The following CAMKK1 variants were observed in gnomAD, a reference collection of about 807,000 sequenced individuals.
The protein encoded by CAMKK1 is calcium/calmodulin-dependent protein kinase kinase 1.
Under a neutral mutation model 63.5 loss-of-function variants are expected in CAMKK1, and 20 were observed. That is an observed-to-expected ratio of 0.32 (90% CI 0.22 to 0.46). The LOEUF (loss-of-function observed/expected upper bound fraction) is 0.46. CAMKK1 is among the 20% of genes least tolerant of loss of function. The pLI is 1.00. For synonymous variants in CAMKK1, 253 were observed against 269.0 expected (o/e 0.94, Z 0.58); for missense variants, 588 against 658.1 (o/e 0.89, Z 1.17).
chr17:3,862,680 A>T lies in CAMKK1; in HGVS notation c.1446-397T>A, dbSNP rs2054370682. Among the ~76,000 whole-genome samples, 1 of 152,250 alleles carries T rather than the reference A, an allele frequency of 6.6e-6. No individual in the cohort carries two copies. Among genetic ancestry groups the T allele is most frequent in the Admixed American group, 6.5e-5 (1 of 15,282 alleles). The stretch of plus-strand genomic sequence containing the variant: ...CGTCTCGCTCTGTCGTGCAGGCTGC[A>T]GTGCAGTGGTGCAATCTCAGCTCAT... On this transcript the variant is annotated intron_variant, in intron 15 of 15. Coordinates refer to ENST00000348335, the MANE Select transcript of CAMKK1 (RefSeq NM_032294.3). The surrounding 1 kb of genome is among the most constrained non-coding windows in gnomAD (Gnocchi z 4.1).
rs868735697 is a variant in CAMKK1 at position 3,892,717 on chromosome 17, C to G, written c.-44+222G>C. Among the ~76,000 whole-genome samples, 1 of 152,172 alleles carries G rather than the reference C, an allele frequency of 6.6e-6. No homozygotes were observed. Among genetic ancestry groups the G allele is most frequent in the Non-Finnish European group, 1.5e-5 (1 of 68,014 alleles). ...AGACGGCGGGGCACCCGCGGCGATG[C>G]GGTCCCGGCGGCCGGCGCAGACCCG... On this transcript the variant is annotated intron_variant, in intron 1 of 15. Transcript: ENST00000348335. The surrounding 1 kb of genome is among the most constrained non-coding windows in gnomAD (Gnocchi z 7.5).
intron 15 of CAMKK1, chr17:3,865,038 C>T: frequency 2.4e-6 from 2 of 817,572 alleles, no homozygotes; most frequent in Non-Finnish European, 3.0e-6. Flanking sequence ...CAGCCCCTTC[C>T]CCAAAGCTTC....
rs1010826031 is a variant in CAMKK1 at position 3,881,642 on chromosome 17, T to C, written c.692A>G (p.Asp231Gly). 6.4e-7 allele frequency: 1 copy of C among 1,567,254 alleles called. No homozygotes were observed. The highest frequency in any genetic ancestry group is 8.7e-7 in the Non-Finnish European group (1 of 1,154,302). ...PAEDNLYLVF[D>G]LLRKGPVMEV... ...GGGAACTCACCCCTTTCTCAGGAGG[T>C]CAAACACTGAAAGAAAAGACAAGAA... Residue 231 changes from aspartate to glycine, a missense_variant, in exon 8 of 16, where the codon GAC becomes GGC. Asp to Gly is a moderately conservative substitution (Grantham distance 94). Transcript: ENST00000348335.
At position 3,883,846 on chromosome 17, in the gene CAMKK1, T is replaced by C; in HGVS notation, c.462+38A>G. The C allele has an allele frequency of 6.2e-7, 1 of 1,610,214 alleles. No individual in the cohort carries two copies. The highest frequency in any genetic ancestry group is 1.3e-5 in the African/African-American group (1 of 74,942). On this transcript the variant is annotated intron_variant, in intron 4 of 15. Transcript: ENST00000348335. The surrounding 1 kb of genome is among the most constrained non-coding windows in gnomAD (Gnocchi z 4.7). ...CCCCACCCCTCAGGCTTCCAGGGCC[T>C]GGCTTGGGCAACACCTCCCTCGTAT...
chr17:3,883,178 G>A lies in CAMKK1; in HGVS notation c.515-3C>T, dbSNP rs1390295233. On this transcript the variant is annotated splice_polypyrimidine_tract_variant and splice_region_variant and intron_variant, in intron 5 of 15. Coordinates refer to ENST00000348335, the MANE Select transcript of CAMKK1 (RefSeq NM_032294.3). The surrounding 1 kb of genome is among the most constrained non-coding windows in gnomAD (Gnocchi z 4.7). ...GGACCCTCTCGGGGGAGGGCGACCTGTGACCAGGAAGAGAACTCAAACACC... is the reference window on the plus strand; with the variant it reads ...GGACCCTCTCGGGGGAGGGCGACCTATGACCAGGAAGAGAACTCAAACACC... 6.2e-7 allele frequency: 1 copy of A among 1,609,204 alleles called. No individual in the cohort carries two copies. Among genetic ancestry groups the A allele is most frequent in the Non-Finnish European group, 8.5e-7 (1 of 1,179,932 alleles).
chr17:3,871,326 G>GTTTTTT (rs1567617810), intron 12 of CAMKK1, among the ~76,000 whole-genome samples: 2 of 69,080 alleles, frequency 2.9e-5, no homozygotes, highest in African/African-American at 6.8e-5. Context: ...TTTGTTTGTT[G>GTTTTTT]TTTTTTGTTT....
chr17:3,877,673 T>C (rs2055229073), intron 9 of CAMKK1, among the ~76,000 whole-genome samples: 1 of 152,120 alleles, frequency 6.6e-6, no homozygotes, highest in Non-Finnish European at 1.5e-5. Context: ...ATAAAACCAG[T>C]GGCACTTTCT....
At chr17:3,891,297 C>T (rs1037217369) in intron 1 of CAMKK1, among the ~76,000 whole-genome samples, 1 of 152,160 alleles carries the variant, frequency 6.6e-6, no homozygotes, top group African/African-American at 2.4e-5. Context: ...CAAGAAGCAA[C>T]AAACAAGAAA....
At chr17:3,878,326 T>C (rs1176091170) in intron 9 of CAMKK1, among the ~76,000 whole-genome samples, 1 of 152,194 alleles carries the variant, frequency 6.6e-6, no homozygotes, top group Non-Finnish European at 1.5e-5. Flanking sequence ...CGCTAACCGT[T>C]CTGCCCCAGG....
chr17:3,891,346 A>G (rs1167978030), intron 1 of CAMKK1, among the ~76,000 whole-genome samples: 1 of 152,244 alleles, frequency 6.6e-6, no homozygotes, highest in Non-Finnish European at 1.5e-5. Context: ...TGGTACATAT[A>G]GGAAGAAAAA....
rs781313230 is a variant in CAMKK1 at position 3,883,795 on chromosome 17, C to G, written c.462+89G>C. The G allele has an allele frequency of 7.4e-7, 1 of 1,344,124 alleles. No individual in the cohort carries two copies. The allele number at this position is 1,344,124 out of a possible 1,614,324, so 83.3% of individuals were successfully genotyped here. A position where few individuals can be genotyped will look rare whatever the true frequency, so the allele number is the denominator to read the frequency against. On this transcript the variant is annotated intron_variant, in intron 4 of 15. Transcript: ENST00000348335. This position sits in a 1 kb window ranked among gnomAD's most constrained non-coding sequence, Gnocchi z 4.7. ...GGAGCTCACTCTCAGGCAGCCCTGT[C>G]CTCTATCTCCTAAGCACAACTCCTG...
chr17:3,873,234 A>G (rs984748907), intron 11 of CAMKK1, among the ~76,000 whole-genome samples, 175 bp downstream of exon 11: 1 of 152,214 alleles, frequency 6.6e-6, no homozygotes, highest in Non-Finnish European at 1.5e-5. Flanking sequence ...CTTCGCGAGA[A>G]TCGCTCCGCA....
rs1275452685 is a variant in CAMKK1 at position 3,876,224 on chromosome 17, T to C, written c.995A>G (p.Lys332Arg). Residue 332 changes from lysine (K) to arginine (R), a missense_variant and splice_region_variant, in exon 10 of 16, where the codon AAG becomes AGG. Coordinates refer to ENST00000348335, the MANE Select transcript of CAMKK1 (RefSeq NM_032294.3). ...ISDSGQSFSG[K>R]ALDVWATGVT... ...CCTGGCCCAGGGCCTGCGAGTCACCTTCCCACTGAAGCTCTGGCCGGAATC... is the reference window on the plus strand; with the variant it reads ...CCTGGCCCAGGGCCTGCGAGTCACCCTCCCACTGAAGCTCTGGCCGGAATC... 6.2e-7 allele frequency: 1 copy of C among 1,613,902 alleles called. No homozygotes were observed. Among genetic ancestry groups the C allele is most frequent in the South Asian group, 1.1e-5 (1 of 91,074 alleles).
Position 3,869,826 on chromosome 17 carries a change from G to T in CAMKK1, c.1187C>A (p.Thr396Lys), listed in dbSNP as rs200501188. Residue 396 changes from threonine to lysine, a missense_variant, in exon 13 of 16, where the codon ACG (threonine) becomes AAG (lysine). By Grantham distance (78) the Thr-to-Lys change is moderately conservative. Coordinates refer to ENST00000348335, the MANE Select transcript of CAMKK1 (RefSeq NM_032294.3). ...ILKMLDKNPE[T>K]RIGVPDIKLH... ...CTTGATGTCTGGCACCCCAATTCTC[G>T]TCTCGGGATTCTTGTCTAACATCTT... 1 of 1,614,174 alleles carries T rather than the reference G, an allele frequency of 6.2e-7. No individual in the cohort carries two copies.
At chr17:3,880,981 C>T (rs958271837) in intron 8 of CAMKK1, among the ~76,000 whole-genome samples, 3 of 152,194 alleles carry the variant, frequency 2.0e-5, no homozygotes, top group African/African-American at 7.2e-5. Flanking sequence ...GCCCCTCTCC[C>T]CAGATTGGTC....
rs1363309731 is a variant in CAMKK1 at position 3,892,610 on chromosome 17, C to T, written c.-44+329G>A. On this transcript the variant is annotated intron_variant, in intron 1 of 15. Transcript: ENST00000348335. This position sits in a 1 kb window ranked among gnomAD's most constrained non-coding sequence, Gnocchi z 7.5. ...CCGGGCCGGGCCCACTCCGCACAGACGTGGCCTCCACCAGGAGCCGGGCGC... is the reference window on the plus strand; with the variant it reads ...CCGGGCCGGGCCCACTCCGCACAGATGTGGCCTCCACCAGGAGCCGGGCGC... 6.6e-6 allele frequency among the ~76,000 whole-genome samples: 1 copy of T among 152,214 alleles called. No homozygotes were observed. Among genetic ancestry groups the T allele is most frequent in the Non-Finnish European group, 1.5e-5 (1 of 68,032 alleles).
chr17:3,872,717 G>A, intron 11 of CAMKK1, 90 bp from the exon 12 acceptor site: 2 of 1,068,876 alleles, frequency 1.9e-6, no homozygotes, highest in African/African-American at 1.5e-5. Context: ...GGGGGCAGGG[G>A]TAGGGGGCAG....
chr17:3,870,913 C>T (rs575220774), intron 12 of CAMKK1, among the ~76,000 whole-genome samples: 8 of 152,242 alleles, frequency 5.3e-5, no homozygotes, highest in East Asian at 3.9e-4. Flanking sequence ...AGGAAATGGA[C>T]AGAAGCCAGC....
rs1233749267 is a variant in CAMKK1 at position 3,882,564 on chromosome 17, C to G, written c.649G>C (p.Val217Leu). 6.3e-7 allele frequency: 1 copy of G among 1,592,594 alleles called. No individual in the cohort carries two copies. The highest frequency in any genetic ancestry group is 2.3e-5 in the East Asian group (1 of 44,026). The change falls in exon 7 of 16, where the codon GTC becomes CTC. Residue 217 changes from valine (V) to leucine (L), a missense_variant and splice_region_variant. By Grantham distance (32) the Val-to-Leu change is conservative. Transcript: ENST00000348335. This position sits in a 1 kb window ranked among gnomAD's most constrained non-coding sequence, Gnocchi z 4.3. ...TTGTCCTCAGCTGGGTCATCCAGGA[C>G]CTGGTCAGAGGGAGCAGACATGGGG... is the stretch of plus-strand genomic sequence containing the variant. ...DHVNVVKLIEVLDDPAEDNLY... is the reference protein window; with the variant it reads ...DHVNVVKLIELLDDPAEDNLY...
Sources: allele counts gnomAD v4.1 joint callset (sites outside exome capture counted in the v4.1 genomes callset), GRCh38; gene constraint gnomAD v4.1.1; non-coding constraint Gnocchi (gnomAD v3.1); transcripts MANE v1.5; gene names NCBI Gene and HGNC (gene_info 2026-07-23, HGNC 2026-07-21).